The following MND1 variants were observed in gnomAD, a reference collection of about 807,000 sequenced individuals.
MND1 encodes the protein meiotic nuclear division protein 1 homolog.
MND1 carries 28 observed loss-of-function variants against 35.1 expected under a neutral mutation model. That is an observed-to-expected ratio of 0.80 (90% CI 0.59 to 1.09). MND1 has a LOEUF of 1.09. Among genes scored for constraint, MND1 ranks in the 50% least tolerant of loss-of-function variants. The probability of loss-of-function intolerance (pLI) is 0.00; values close to 1 mark genes in which losing one functional copy is unlikely to be tolerated. For synonymous variants in MND1, 69 were observed against 70.5 expected (o/e 0.98, Z 0.11); for missense variants, 213 against 239.6 (o/e 0.89, Z 0.73).
chr4:153,348,405 C>A (rs1773125988), intron 1 of MND1, among the ~76,000 whole-genome samples: 1 of 152,054 alleles, frequency 6.6e-6, no homozygotes, highest in African/African-American at 2.4e-5. Context: ...AGCTCAGGAG[C>A]ACACCCAGGG....
At chr4:153,350,865 AT>A (rs371582722) in intron 2 of MND1, among the ~76,000 whole-genome samples, 21 of 151,910 alleles carry the variant, frequency 1.4e-4, no homozygotes, top group African/African-American at 5.1e-4. Context: ...TTTTCATCAT[AT>A]ACAAATGTGA....
At chr4:153,357,015 G>A (rs944692597) in intron 3 of MND1, among the ~76,000 whole-genome samples, 3 of 152,104 alleles carry the variant, frequency 2.0e-5, no homozygotes, top group South Asian at 4.1e-4. Flanking sequence ...TAGAGATGGG[G>A]ATTTGCCATG....
chr4:153,350,203 T>TC, intron 2 of MND1, 74 bp downstream of exon 2: 1 of 1,054,478 alleles, frequency 9.5e-7, no homozygotes, highest in South Asian at 1.4e-5. Flanking sequence ...ATGTTAACTG[T>TC]CCCCTCTTTG....
intron 6 of MND1, among the ~76,000 whole-genome samples, chr4:153,406,759 C>G (rs1030699158): frequency 2.0e-5 from 3 of 152,070 alleles, no homozygotes; most frequent in African/African-American, 7.2e-5. Context: ...AATCAGAACC[C>G]CAGTGAGATA....
At chr4:153,388,617 A>G (rs948462460) in intron 4 of MND1, among the ~76,000 whole-genome samples, 1 of 152,158 alleles carries the variant, frequency 6.6e-6, no homozygotes, top group African/African-American at 2.4e-5. Context: ...TTGGAAGTGG[A>G]TTTGTTACAG....
At position 153,409,614 on chromosome 4, in the gene MND1, C is replaced by T. The variant is rs116675236; in HGVS notation, c.511+599C>T. ...TAAAATGACTATGTTTAGTCAAAGG[C>T]GATTAGTCACTGCAAGAACAGATGC... On this transcript the variant is annotated intron_variant, in intron 7 of 7. Transcript: ENST00000240488. 4.3e-3 allele frequency among the ~76,000 whole-genome samples: 649 copies of T among 152,198 alleles called. 7 individuals are homozygous for T. Among genetic ancestry groups the T allele is most frequent in the African/African-American group, 0.015 (618 of 41,518 alleles).
intron 4 of MND1, among the ~76,000 whole-genome samples, chr4:153,364,206 A>G (rs373967315): frequency 6.6e-6 from 1 of 152,110 alleles, no homozygotes; most frequent in Admixed American, 6.5e-5. Flanking sequence ...GGCTCCTCAA[A>G]GAGTTATAAA....
intron 4 of MND1, among the ~76,000 whole-genome samples, chr4:153,393,883 T>G (rs986478788): frequency 4.6e-5 from 7 of 151,072 alleles, no homozygotes; most frequent in Non-Finnish European, 5.9e-5. Flanking sequence ...TTTCTTCAAA[T>G]TGGAGAAATT....
chr4:153,401,807 ATGTATTT>A (rs1165555121), intron 6 of MND1, among the ~76,000 whole-genome samples: 1 of 152,230 alleles, frequency 6.6e-6, no homozygotes, highest in Non-Finnish European at 1.5e-5. Context: ...GGGCATGGCT[ATGTATTT>A]TCTTATTTCT....
In MND1 at chr4:153,355,554, A is replaced by G. The variant is rs568659184; in HGVS notation, c.70-100A>G. On this transcript the variant is annotated intron_variant, in intron 2 of 7. Coordinates refer to ENST00000240488, the MANE Select transcript of MND1 (RefSeq NM_032117.4). The stretch of plus-strand genomic sequence containing the variant: ...TATCACACATACCCTGTAAATGTAT[A>G]CAACTATTATGTACCCATAATAAAA... The G allele has an allele frequency of 1.6e-4, 114 of 692,818 alleles. No homozygotes were observed. The South Asian group carries it at 1.9e-3, about 12-fold the overall frequency. The allele number at this position is 692,818 out of a possible 1,614,324, so 42.9% of individuals were successfully genotyped here.
At chr4:153,396,898 T>C (rs551253245) in intron 5 of MND1, among the ~76,000 whole-genome samples, 11 of 145,958 alleles carry the variant, frequency 7.5e-5, no homozygotes, top group Non-Finnish European at 1.5e-4. Context: ...TAGTATAATT[T>C]TTTTCTGTAA....
intron 4 of MND1, among the ~76,000 whole-genome samples, chr4:153,377,946 T>A (rs1463742633): frequency 6.6e-6 from 1 of 152,230 alleles, no homozygotes; most frequent in Admixed American, 6.5e-5. Context: ...GTGCTGTGAC[T>A]GTCTTTTATA....
intron 6 of MND1, among the ~76,000 whole-genome samples, chr4:153,402,372 G>A (rs1206504720): frequency 6.6e-6 from 1 of 152,150 alleles, no homozygotes; most frequent in Non-Finnish European, 1.5e-5. Flanking sequence ...CAGTAAAAAG[G>A]TGGAGTAAGG....
rs527568314 is a variant in MND1 at position 153,379,039 on chromosome 4, A to G, written c.277-15223A>G. 3.2e-4 allele frequency among the ~76,000 whole-genome samples: 49 copies of G among 152,148 alleles called. 1 individual carries two copies. Among genetic ancestry groups the G allele is most frequent in the Non-Finnish European group, 5.6e-4 (38 of 68,008 alleles). ...CGCGGTGACTCACGTCTGTAATCCC[A>G]GCACTTTGGGAGGCCTAGGTGGGTG... On this transcript the variant is annotated intron_variant, in intron 4 of 7. Coordinates refer to ENST00000240488, the MANE Select transcript of MND1 (RefSeq NM_032117.4).
chr4:153,413,748 T>A (rs968196230), intron 7 of MND1, among the ~76,000 whole-genome samples: 1 of 151,968 alleles, frequency 6.6e-6, no homozygotes, highest in African/African-American at 2.4e-5. Context: ...GCAGCCACTG[T>A]GAGCACACTG....
At chr4:153,391,955 A>G (rs1037283804) in intron 4 of MND1, among the ~76,000 whole-genome samples, 3 of 152,108 alleles carry the variant, frequency 2.0e-5, no homozygotes, top group Middle Eastern at 3.2e-3. Context: ...GAAGTGAAAG[A>G]TTTCCCAAAG....
intron 4 of MND1, among the ~76,000 whole-genome samples, chr4:153,379,947 A>G (rs930195937): frequency 4.6e-5 from 7 of 150,628 alleles, no homozygotes; most frequent in Non-Finnish European, 8.9e-5. Context: ...GCTTGAGCCC[A>G]AGAGATTGAG....
chr4:153,403,388 C>T (rs143704118), intron 6 of MND1, among the ~76,000 whole-genome samples: 3 of 152,094 alleles, frequency 2.0e-5, no homozygotes, highest in Non-Finnish European at 4.4e-5. Context: ...ACGGCTGAGC[C>T]CTTTGGAAAA....
intron 4 of MND1, among the ~76,000 whole-genome samples, chr4:153,366,386 T>A (rs1356372992): frequency 1.3e-5 from 2 of 152,198 alleles, no homozygotes; most frequent in Non-Finnish European, 2.9e-5. Flanking sequence ...ATGAATTTTT[T>A]AAAAATTCAA....
Sources: gnomAD v4.1 joint callset for allele counts (sites outside exome capture counted in the v4.1 genomes callset) on GRCh38, gnomAD v4.1.1 for gene constraint, MANE v1.5 for transcripts, NCBI Gene and HGNC (gene_info 2026-07-23, HGNC 2026-07-21) for gene names.